CDH13: variants seen among roughly 807,000 people sequenced by gnomAD.
CDH13 encodes cadherin 13.
In CDH13, 24 loss-of-function variants were observed where a neutral mutation model predicts 63.8. That is an observed-to-expected ratio of 0.38 (90% CI 0.27 to 0.53). The LOEUF (loss-of-function observed/expected upper bound fraction) is 0.53, where lower values mean the gene tolerates loss of function less well. Among genes scored for constraint, CDH13 ranks in the 20% least tolerant of loss-of-function variants. CDH13 has a pLI of 0.85. For synonymous variants in CDH13, 503 were observed against 355.3 expected (o/e 1.42, Z -4.67); for missense variants, 1,049 against 903.1 (o/e 1.16, Z -2.07).
At chr16:82,701,129 G>A (rs1020070184) in intron 1 of CDH13, among the ~76,000 whole-genome samples, 1 of 151,938 alleles carries the variant, frequency 6.6e-6, no homozygotes, top group African/African-American at 2.4e-5. Context: ...TCCAAAGTTA[G>A]AAACTTCTGA....
chr16:82,671,839 G>T (rs908227030), intron 1 of CDH13, among the ~76,000 whole-genome samples: 5 of 152,184 alleles, frequency 3.3e-5, no homozygotes, highest in Admixed American at 3.3e-4. Flanking sequence ...GAAACACCAT[G>T]GGGCAGATAT....
At chr16:83,295,036 T>G (rs569857830) in intron 5 of CDH13, among the ~76,000 whole-genome samples, 2 of 152,086 alleles carry the variant, frequency 1.3e-5, no homozygotes, top group Non-Finnish European at 2.9e-5. Context: ...AACAGACACA[T>G]AGACCAATTG....
At chr16:83,162,543 G>T (rs563811484) in intron 4 of CDH13, among the ~76,000 whole-genome samples, 10 of 150,956 alleles carry the variant, frequency 6.6e-5, no homozygotes, top group South Asian at 2.1e-4. Flanking sequence ...TTTAAAGGTT[G>T]AACAAAGCAA....
At chr16:83,242,089 A>T (rs1904513992) in intron 5 of CDH13, among the ~76,000 whole-genome samples, 1 of 152,262 alleles carries the variant, frequency 6.6e-6, no homozygotes, top group East Asian at 1.9e-4. Flanking sequence ...GGGGCTGCTC[A>T]TTTCCCATTG....
chr16:83,035,213 C>G (rs1375990410), intron 3 of CDH13, among the ~76,000 whole-genome samples: 1 of 152,136 alleles, frequency 6.6e-6, no homozygotes, highest in Non-Finnish European at 1.5e-5. Flanking sequence ...CTGTGTGCAG[C>G]CAAGTGGGCC....
intron 2 of CDH13, among the ~76,000 whole-genome samples, chr16:82,876,123 C>G (rs566384632): frequency 6.6e-6 from 1 of 152,192 alleles, no homozygotes; most frequent in South Asian, 2.1e-4. Flanking sequence ...CACTTCCTAC[C>G]GGTCCCTCCC....
At position 83,797,057 on chromosome 16, in the gene CDH13, TTTCCTC is replaced by T. The variant is rs1904285216; in HGVS notation, c.*2029_*2034del. 6.6e-6 allele frequency: 1 copy of T among 152,246 alleles called. No individual in the cohort carries two copies. Among genetic ancestry groups the T allele is most frequent in the Non-Finnish European group, 1.5e-5 (1 of 68,070 alleles). The allele number at this position is 152,246 out of a possible 1,614,324, so 9.4% of individuals were successfully genotyped here. ...GCCTGTGCATTCACACTCCACAAGA[TTTCCTC>T]TACTGGCTTTACAGGGCACTGTCAC... On this transcript the variant is annotated 3_prime_UTR_variant, in exon 14 of 14. Coordinates refer to ENST00000567109, the MANE Select transcript of CDH13 (RefSeq NM_001257.5).
intron 1 of CDH13, among the ~76,000 whole-genome samples, chr16:82,808,591 G>A (rs1404349026): frequency 6.6e-6 from 1 of 152,132 alleles, no homozygotes; most frequent in Non-Finnish European, 1.5e-5. Context: ...TTCTGCCCTT[G>A]CAGTATAAAA....
chr16:82,707,313 C>T (rs2031571443), intron 1 of CDH13, among the ~76,000 whole-genome samples: 1 of 152,120 alleles, frequency 6.6e-6, no homozygotes, highest in Non-Finnish European at 1.5e-5. Context: ...GAGTTGTAAA[C>T]ATTTGTAGGG....
intron 10 of CDH13, among the ~76,000 whole-genome samples, chr16:83,742,553 T>G (rs1045238834): frequency 6.6e-5 from 10 of 152,232 alleles, no homozygotes; most frequent in Non-Finnish European, 2.9e-5. Context: ...GCTAGTATTT[T>G]TACACTGAAA....
At chr16:82,906,597 G>C (rs1202435801) in intron 2 of CDH13, among the ~76,000 whole-genome samples, 2 of 152,174 alleles carry the variant, frequency 1.3e-5, no homozygotes, top group Non-Finnish European at 2.9e-5. Context: ...GTGCACATTA[G>C]GCTCTTCTAA....
At chr16:82,651,864 G>A (rs1461326823) in intron 1 of CDH13, among the ~76,000 whole-genome samples, 1 of 152,166 alleles carries the variant, frequency 6.6e-6, no homozygotes, top group Non-Finnish European at 1.5e-5. Context: ...GATTTAGGAC[G>A]GGCTATTGAC....
chr16:82,738,124 G>A (rs1232285591), intron 1 of CDH13, among the ~76,000 whole-genome samples: 2 of 152,166 alleles, frequency 1.3e-5, no homozygotes, highest in Non-Finnish European at 2.9e-5. Flanking sequence ...TAGGTTTCAT[G>A]ACAGTCTGTC....
chr16:82,915,133 C>T (rs997450569), intron 2 of CDH13, among the ~76,000 whole-genome samples: 3 of 152,200 alleles, frequency 2.0e-5, no homozygotes, highest in African/African-American at 7.2e-5. Flanking sequence ...CCTGGATGCT[C>T]TCTGCAAAAT....
intron 1 of CDH13, among the ~76,000 whole-genome samples, chr16:82,799,812 G>A (rs1219977348): frequency 6.6e-6 from 1 of 152,180 alleles, no homozygotes; most frequent in Non-Finnish European, 1.5e-5. Flanking sequence ...ACAAAGTGTA[G>A]ATTTTTTATT....
chr16:82,915,287 T>C (rs940311938), intron 2 of CDH13, among the ~76,000 whole-genome samples: 13 of 152,236 alleles, frequency 8.5e-5, no homozygotes, highest in African/African-American at 2.9e-4. Flanking sequence ...GGCTAATGCA[T>C]GCCCTCCAGT....
chr16:83,461,354 A>G (rs2073177798), intron 6 of CDH13, among the ~76,000 whole-genome samples: 2 of 152,148 alleles, frequency 1.3e-5, no homozygotes, highest in Admixed American at 1.3e-4. Context: ...ATTTATTAAA[A>G]TCTGGCTCAT....
intron 1 of CDH13, among the ~76,000 whole-genome samples, chr16:82,726,544 C>T (rs1262186501): frequency 1.3e-5 from 2 of 152,172 alleles, no homozygotes; most frequent in Non-Finnish European, 2.9e-5. Context: ...CTGTTGTTTG[C>T]TGACCTCTGG....
At chr16:83,237,768 G>T (rs1904276885) in intron 5 of CDH13, among the ~76,000 whole-genome samples, 1 of 152,204 alleles carries the variant, frequency 6.6e-6, no homozygotes, top group Non-Finnish European at 1.5e-5. Context: ...AGAAATGAGA[G>T]AATATGCTTC....
Sources: gnomAD v4.1 joint callset for allele counts (sites outside exome capture counted in the v4.1 genomes callset) on GRCh38, gnomAD v4.1.1 for gene constraint, MANE v1.5 for transcripts, NCBI Gene and HGNC (gene_info 2026-07-23, HGNC 2026-07-21) for gene names.